ADAMTS2: variants seen among roughly 807,000 people sequenced by gnomAD.
ADAMTS2 encodes A disintegrin and metalloproteinase with thrombospondin motifs 2.
A neutral mutation model predicts 123.0 loss-of-function variants in ADAMTS2; 50 were observed. The ratio of observed to expected loss-of-function variants is 0.41; its 90% CI spans 0.32 to 0.51. The LOEUF is 0.51. Ranked by LOEUF, ADAMTS2 falls within the 20% of genes least tolerant of loss-of-function variation. The pLI, the probability that ADAMTS2 is intolerant of heterozygous loss-of-function variation, is 0.35. For missense variants in ADAMTS2, 1,494 were observed against 1,705.2 expected (o/e 0.88, Z 2.18); for synonymous variants, 678 against 695.4 (o/e 0.98, Z 0.39).
At position 179,181,539 on chromosome 5, in the gene ADAMTS2, G is replaced by A. The variant is rs2113313068; in HGVS notation, c.892-384C>T. On this transcript the variant is annotated intron_variant, in intron 4 of 21. Coordinates refer to ENST00000251582, the MANE Select transcript of ADAMTS2 (RefSeq NM_014244.5). This position sits in a 1 kb window ranked among gnomAD's most constrained non-coding sequence, Gnocchi z 4.1. Reference sequence around the variant, plus strand: ...GACCCCCGCGGCACAGGCAGGGCTGGGACCGGCCCTGGCAGAAGTCACTCC... The same window carrying A: ...GACCCCCGCGGCACAGGCAGGGCTGAGACCGGCCCTGGCAGAAGTCACTCC... Among the ~76,000 whole-genome samples, 1 of 152,226 alleles carries A rather than the reference G, an allele frequency of 6.6e-6. No individual in the cohort carries two copies. Among genetic ancestry groups the A allele is most frequent in the South Asian group, 2.1e-4 (1 of 4,818 alleles).
At chr5:179,244,310 T>C (rs899810852) in intron 3 of ADAMTS2, among the ~76,000 whole-genome samples, 1 of 149,960 alleles carries the variant, frequency 6.7e-6, no homozygotes, top group East Asian at 1.9e-4. Context: ...GGAATCCCAG[T>C]GGGATTTCCA....
chr5:179,265,849 C>T (rs1299700335), intron 3 of ADAMTS2, among the ~76,000 whole-genome samples: 3 of 152,252 alleles, frequency 2.0e-5, no homozygotes, highest in African/African-American at 4.8e-5. Context: ...TCGGGTTTCA[C>T]AATCAGTGCT....
Position 179,228,935 on chromosome 5 carries a change from G to C in ADAMTS2, c.689-21220C>G, listed in dbSNP as rs1205364231. Among the ~76,000 whole-genome samples, 1 of 152,186 alleles carries C rather than the reference G, an allele frequency of 6.6e-6. No homozygotes were observed. The highest frequency in any genetic ancestry group is 2.4e-5 in the African/African-American group (1 of 41,434). On this transcript the variant is annotated intron_variant, in intron 3 of 21. Coordinates refer to ENST00000251582, the MANE Select transcript of ADAMTS2 (RefSeq NM_014244.5). The surrounding 1 kb of genome is among the most constrained non-coding windows in gnomAD (Gnocchi z 5.2). Reference sequence around the variant, plus strand: ...CTCAGTCAGTCTGGCTGGATCCTGAGCTCCTCCCCCGGCCTGTGCTTGAGA... The same window carrying C: ...CTCAGTCAGTCTGGCTGGATCCTGACCTCCTCCCCCGGCCTGTGCTTGAGA...
At chr5:179,163,160 GGGGAGTACC>G (rs1763631295) in intron 5 of ADAMTS2, among the ~76,000 whole-genome samples, 1 of 152,146 alleles carries the variant, frequency 6.6e-6, no homozygotes, top group African/African-American at 2.4e-5. Context: ...GTGGGCTTGT[GGGGAGTACC>G]GGGAGGATGC....
chr5:179,171,621 T>A (rs1473670173), intron 5 of ADAMTS2, among the ~76,000 whole-genome samples: 1 of 152,110 alleles, frequency 6.6e-6, no homozygotes, highest in Admixed American at 6.5e-5. Flanking sequence ...GCGGACCCCA[T>A]GGGCACTGGC....
chr5:179,336,859 C>A (rs1434115498), intron 2 of ADAMTS2, among the ~76,000 whole-genome samples: 1 of 152,212 alleles, frequency 6.6e-6, no homozygotes, highest in East Asian at 1.9e-4. Flanking sequence ...CCCCTGCCTT[C>A]CCTGGGTTAA....
rs553322434 is a variant in ADAMTS2 at position 179,162,513 on chromosome 5, G to T, written c.976-3634C>A. Among the ~76,000 whole-genome samples the T allele has an allele frequency of 2.6e-5, 4 of 152,200 alleles. No individual in the cohort carries two copies. Among genetic ancestry groups the T allele is most frequent in the Non-Finnish European group, 5.9e-5 (4 of 68,034 alleles). ...CGGGTCAGCTCCCAGGCTCATTCAG[G>T]TGGTCACGGCGGGCCCCAGCTGAGC... On this transcript the variant is annotated intron_variant, in intron 5 of 21. Coordinates refer to ENST00000251582, the MANE Select transcript of ADAMTS2 (RefSeq NM_014244.5). The surrounding 1 kb of genome is among the most constrained non-coding windows in gnomAD (Gnocchi z 5.1).
At chr5:179,339,996 C>T (rs908953868) in intron 2 of ADAMTS2, among the ~76,000 whole-genome samples, 9 of 152,266 alleles carry the variant, frequency 5.9e-5, no homozygotes, top group African/African-American at 1.7e-4. Context: ...CTGGCCCAGA[C>T]AGCAGCCCCG....
chr5:179,259,894 A>G (rs1156767863), intron 3 of ADAMTS2, among the ~76,000 whole-genome samples: 2 of 152,240 alleles, frequency 1.3e-5, no homozygotes, highest in African/African-American at 4.8e-5. Context: ...GAGGAAGCAG[A>G]GTCACAGAAG....
chr5:179,261,510 G>A (rs957313382), intron 3 of ADAMTS2, among the ~76,000 whole-genome samples: 13 of 152,220 alleles, frequency 8.5e-5, no homozygotes, highest in Non-Finnish European at 1.5e-4. Flanking sequence ...GCTGGCTCAG[G>A]CCGCCATCTG....
In ADAMTS2 at chr5:179,125,176, C is replaced by T; in HGVS notation, c.2755G>A (p.Val919Ile). The T allele has an allele frequency of 6.2e-7, 1 of 1,612,316 alleles. No individual in the cohort carries two copies. The highest frequency in any genetic ancestry group is 1.3e-5 in the African/African-American group (1 of 75,060). Residue 919 changes from valine (V) to isoleucine (I), a missense_variant, in exon 19 of 22, where the codon GTC becomes ATC. Val to Ile is a conservative substitution (Grantham distance 29). Around this residue, in one of 6 missense-constraint regions of ADAMTS2, gnomAD observed 953 missense variants for 1,124.7 expected, o/e 0.85. Coordinates refer to ENST00000251582, the MANE Select transcript of ADAMTS2 (RefSeq NM_014244.5). ...CTACATGGCTCCCATTCGCCTGTGA[C>T]CCACCTGCCAGGGCAGAGCGGGGCA... ...NPQECSQPVW[V>I]TGEWEPCSQT...
chr5:179,200,936 C>T (rs920665688), intron 4 of ADAMTS2, among the ~76,000 whole-genome samples: 1 of 152,186 alleles, frequency 6.6e-6, no homozygotes, highest in African/African-American at 2.4e-5. Context: ...CCCCAAATCC[C>T]AGCAGAATCA....
rs115530457 is a variant in ADAMTS2, at chr5:179,151,981, A to G, written c.1629+161T>C. Among the ~76,000 whole-genome samples, 897 of 152,270 alleles carry G rather than the reference A, an allele frequency of 5.9e-3. 3 individuals carry two copies. The highest frequency in any genetic ancestry group is 0.01 in the Non-Finnish European group (705 of 68,004). ...CACAGGGTGGAGGCAGCTCCGGCGT[A>G]CAGCGTGTGAGGGGTAATTAGAAGG... On this transcript the variant is annotated intron_variant, in intron 10 of 21. Coordinates refer to ENST00000251582, the MANE Select transcript of ADAMTS2 (RefSeq NM_014244.5).
chr5:179,330,296 C>T (rs2127459180), intron 2 of ADAMTS2, among the ~76,000 whole-genome samples: 1 of 152,226 alleles, frequency 6.6e-6, no homozygotes, highest in South Asian at 2.1e-4. Flanking sequence ...GACTCTGAGC[C>T]CCCAGAGTCT....
chr5:179,326,749 C>G (rs1320908134), intron 2 of ADAMTS2, among the ~76,000 whole-genome samples: 1 of 152,092 alleles, frequency 6.6e-6, no homozygotes, highest in African/African-American at 2.4e-5. Context: ...GAGGCTCGCT[C>G]GCCCAGGGAG....
intron 3 of ADAMTS2, among the ~76,000 whole-genome samples, chr5:179,216,904 G>A (rs144243317): frequency 6.6e-6 from 1 of 152,358 alleles, no homozygotes; most frequent in East Asian, 1.9e-4. Context: ...GCACTACTGA[G>A]GGGATCATGA....
At chr5:179,329,343 AC>A (rs1388797571) in intron 2 of ADAMTS2, among the ~76,000 whole-genome samples, 41 of 148,220 alleles carry the variant, frequency 2.8e-4, no homozygotes, top group Admixed American at 7.4e-4. Flanking sequence ...AAAAAAAAAA[AC>A]AAAACAAAAC....
At chr5:179,280,507 C>T (rs780762057) in intron 2 of ADAMTS2, among the ~76,000 whole-genome samples, 1 of 152,104 alleles carries the variant, frequency 6.6e-6, no homozygotes, top group African/African-American at 2.4e-5. Flanking sequence ...TGGCAGGTAC[C>T]GATCATCCTT....
At position 179,272,260 on chromosome 5, in the gene ADAMTS2, C is replaced by A. The variant is rs374444249; in HGVS notation, c.688+651G>T. Among the ~76,000 whole-genome samples the A allele has an allele frequency of 1.1e-4, 16 of 152,344 alleles. No individual in the cohort carries two copies. The East Asian group carries it at 2.9e-3, about 28-fold the overall frequency. ...ACCATGGCCGCCTGGCAGCTCCTTT[C>A]ACGTTTCTGGGCCCAGGGCACACGT... On this transcript the variant is annotated intron_variant, in intron 3 of 21. Transcript: ENST00000251582. This position sits in a 1 kb window ranked among gnomAD's most constrained non-coding sequence, Gnocchi z 5.8.
Sources: gnomAD v4.1 joint callset for allele counts (sites outside exome capture counted in the v4.1 genomes callset) on GRCh38, gnomAD v4.1.1 for gene constraint, gnomAD v4.1.1 regional missense constraint, Gnocchi (gnomAD v3.1) non-coding constraint, MANE v1.5 for transcripts, NCBI Gene and HGNC (gene_info 2026-07-23, HGNC 2026-07-21) for gene names.